IL1RAPL2: variants seen among roughly 807,000 people sequenced by gnomAD.
IL1RAPL2 encodes X-linked interleukin-1 receptor accessory protein-like 2.
A neutral mutation model predicts 44.1 loss-of-function variants in IL1RAPL2; 3 were observed. The observed-to-expected ratio is 0.07, with a 90% CI of 0.03 to 0.18. IL1RAPL2 has a LOEUF of 0.18. IL1RAPL2 is among the 10% of genes least tolerant of loss of function. IL1RAPL2 has a pLI of 1.00. For synonymous variants in IL1RAPL2, 181 were observed against 178.8 expected, an observed-to-expected ratio of 1.01 and a Z score of -0.10; for missense variants, 391 against 496.4, an observed-to-expected ratio of 0.79 and a Z score of 2.02.
At chrX:104,743,308 T>C (rs1391993494) in intron 2 of IL1RAPL2, among the ~76,000 whole-genome samples, 1 of 94,718 alleles carries the variant, frequency 1.1e-5, no homozygotes, top group African/African-American at 4.4e-5. Context: ...TTTTTGATTT[T>C]GGTTTCAAAC....
intron 2 of IL1RAPL2, chrX:104,804,565 C>T (rs1323941569): frequency 1.8e-5 from 2 of 111,945 alleles, no homozygotes; most frequent in Non-Finnish European, 3.8e-5. Context: ...CATCTGATAA[C>T]GTTAGTATAC....
chrX:105,438,026 A>C (rs1206904001), intron 5 of IL1RAPL2, among the ~76,000 whole-genome samples: 3 of 111,994 alleles, frequency 2.7e-5, no homozygotes, highest in Non-Finnish European at 5.6e-5. Context: ...ATAACTCATC[A>C]AACTTAACCA....
chrX:104,859,055 G>C, intron 2 of IL1RAPL2, among the ~76,000 whole-genome samples: 1 of 111,673 alleles, frequency 9.0e-6, no homozygotes, highest in Middle Eastern at 4.7e-3. Context: ...TTCCATTGAG[G>C]TTTTGTTCAA....
intron 5 of IL1RAPL2, among the ~76,000 whole-genome samples, chrX:105,376,246 C>T (rs1226730095): frequency 8.9e-6 from 1 of 112,073 alleles, no homozygotes; most frequent in African/African-American, 3.2e-5. Context: ...CCTTAACATG[C>T]TCTTTGTGAA....
chrX:104,752,126 T>C (rs905675470), intron 2 of IL1RAPL2, among the ~76,000 whole-genome samples: 1 of 110,437 alleles, frequency 9.1e-6, no homozygotes. Flanking sequence ...TCCTGGAAAA[T>C]TTCTATGGGA....
At chrX:104,892,105 T>C (rs1029279099) in intron 2 of IL1RAPL2, among the ~76,000 whole-genome samples, 4 of 111,817 alleles carry the variant, frequency 3.6e-5, no homozygotes, top group Non-Finnish European at 7.5e-5. Context: ...ATTTATTGAT[T>C]TGCATATGTT....
At chrX:105,636,392 T>G (rs1402390220) in intron 6 of IL1RAPL2, among the ~76,000 whole-genome samples, 1 of 111,608 alleles carries the variant, frequency 9.0e-6, no homozygotes, top group Non-Finnish European at 1.9e-5. Context: ...TAAATATAAT[T>G]AATTAGGAAT....
intron 5 of IL1RAPL2, among the ~76,000 whole-genome samples, chrX:105,403,234 A>G (rs913364093): frequency 1.8e-5 from 2 of 111,732 alleles, no homozygotes; most frequent in African/African-American, 6.5e-5. Flanking sequence ...TTTTTTTAAT[A>G]ATCAGTGATT....
intron 2 of IL1RAPL2, among the ~76,000 whole-genome samples, chrX:105,041,651 C>T (rs1326581956): frequency 2.8e-5 from 3 of 108,967 alleles, no homozygotes; most frequent in Non-Finnish European, 3.8e-5. Context: ...GCCATACTGC[C>T]CAAGGTAATT....
At chrX:104,891,151 T>G (rs1042477966) in intron 2 of IL1RAPL2, among the ~76,000 whole-genome samples, 11 of 111,037 alleles carry the variant, frequency 9.9e-5, no homozygotes, top group South Asian at 7.7e-4. Flanking sequence ...CTGTTCCACT[T>G]CTCTATATCT....
chrX:105,000,422 A>G (rs1236980202), intron 2 of IL1RAPL2, among the ~76,000 whole-genome samples: 1 of 111,021 alleles, frequency 9.0e-6, no homozygotes, highest in Non-Finnish European at 1.9e-5. Flanking sequence ...TGGCACTGGG[A>G]GTTTGGGGCC....
At chrX:104,637,785 T>A (rs1215045468) in intron 1 of IL1RAPL2, among the ~76,000 whole-genome samples, 1 of 108,733 alleles carries the variant, frequency 9.2e-6, no homozygotes, top group Non-Finnish European at 1.9e-5. Context: ...TGTATGTGTG[T>A]GTGTGTGTGT....
chrX:105,297,716 A>G (rs1037875434), intron 5 of IL1RAPL2, among the ~76,000 whole-genome samples: 3 of 111,132 alleles, frequency 2.7e-5, no homozygotes, highest in Non-Finnish European at 5.7e-5. Flanking sequence ...ATAATTCCAG[A>G]TGAGATTTGG....
intron 9 of IL1RAPL2, among the ~76,000 whole-genome samples, chrX:105,751,192 T>G (rs1269583508): frequency 9.0e-6 from 1 of 110,522 alleles, no homozygotes; most frequent in East Asian, 2.8e-4. Context: ...AGAGAATCGC[T>G]TGAATCCAGG....
chrX:105,051,407 G>C (rs1297874843), intron 2 of IL1RAPL2, among the ~76,000 whole-genome samples: 1 of 113,029 alleles, frequency 8.8e-6, no homozygotes, highest in East Asian at 2.8e-4. Flanking sequence ...AATGGGTGGG[G>C]CTCCTGCTTG....
chrX:104,637,488 C>T, intron 1 of IL1RAPL2, among the ~76,000 whole-genome samples: 1 of 109,433 alleles, frequency 9.1e-6, no homozygotes, highest in South Asian at 4.0e-4. Flanking sequence ...AGGTATGTTT[C>T]TTCTGTACCT....
chrX:105,217,407 C>T (rs1374663681), intron 3 of IL1RAPL2, among the ~76,000 whole-genome samples: 1 of 111,983 alleles, frequency 8.9e-6, no homozygotes, highest in Non-Finnish European at 1.9e-5. Context: ...GAGATACCAC[C>T]TCACACCAGT....
chrX:105,490,211 C>T (rs925393801), intron 6 of IL1RAPL2, among the ~76,000 whole-genome samples: 1 of 111,643 alleles, frequency 9.0e-6, no homozygotes, highest in Non-Finnish European at 1.9e-5. Context: ...CATTTACTTT[C>T]TCTTTCTGTG....
At chrX:105,583,759 A>G (rs1204654905) in intron 6 of IL1RAPL2, among the ~76,000 whole-genome samples, 2 of 110,895 alleles carry the variant, frequency 1.8e-5, no homozygotes, top group East Asian at 5.7e-4. Context: ...TCTGCTCTTT[A>G]TTCTCTCATT....
Sources: gnomAD v4.1 joint callset for allele counts (sites outside exome capture counted in the v4.1 genomes callset) on GRCh38, gnomAD v4.1.1 for gene constraint, MANE v1.5 for transcripts, NCBI Gene and HGNC (gene_info 2026-07-23, HGNC 2026-07-21) for gene names.